UGT1A7: variants seen among roughly 807,000 people sequenced by gnomAD.
The protein encoded by UGT1A7 is UDP-glucuronosyltransferase 1A7.
A neutral mutation model predicts 45.6 loss-of-function variants in UGT1A7; 33 were observed. The ratio of observed to expected loss-of-function variants is 0.72; its 90% CI spans 0.55 to 0.97. UGT1A7 has a LOEUF of 0.97. UGT1A7 is among the 50% of genes least tolerant of loss of function. UGT1A7 has a pLI of 0.00. For missense variants in UGT1A7, 684 were observed against 666.2 expected, an observed-to-expected ratio of 1.03 and a Z score of -0.29; for synonymous variants, 274 against 250.6, an observed-to-expected ratio of 1.09 and a Z score of -0.88.
At chr2:233,764,961 TG>T (rs1172324167) in intron 1 of UGT1A7, among the ~76,000 whole-genome samples, 1 of 152,020 alleles carries the variant, frequency 6.6e-6, no homozygotes, top group Non-Finnish European at 1.5e-5. Context: ...GGGCTCACCT[TG>T]GGAGAAGGAT....
Position 233,719,322 on chromosome 2 carries a change from C to T in UGT1A7, c.855+36530C>T, listed in dbSNP as rs773289420. On this transcript the variant is annotated intron_variant, in intron 1 of 4. Transcript: ENST00000373426. ...GGTGCTGGCTAAGTACCTGTCGATT[C>T]CTGCTGTGTTTTTTTGGAGGTACAT... The T allele has an allele frequency of 3.1e-6, 5 of 1,613,788 alleles. No individual in the cohort carries two copies. In the African/African-American group the frequency reaches 6.7e-5, roughly 22 times the overall value.
intron 1 of UGT1A7, among the ~76,000 whole-genome samples, chr2:233,758,252 T>G (rs1696828671): frequency 6.6e-6 from 1 of 152,196 alleles, no homozygotes; most frequent in African/African-American, 2.4e-5. Context: ...ACTATTCAGA[T>G]TAGTAAGTAT....
chr2:233,703,922 A>G (rs2125594260), intron 1 of UGT1A7, among the ~76,000 whole-genome samples: 1 of 151,456 alleles, frequency 6.6e-6, no homozygotes, highest in East Asian at 1.9e-4. Flanking sequence ...ACAAAATCTC[A>G]TTCTGTTACC....
rs375082638 is a variant in UGT1A7 at position 233,764,736 on chromosome 2, G to A, written c.856-2298G>A. Among the ~76,000 whole-genome samples the A allele has an allele frequency of 2.0e-5, 3 of 152,156 alleles. 1 individual carries two copies. The East Asian group carries it at 5.8e-4, about 29-fold the overall frequency. On this transcript the variant is annotated intron_variant, in intron 1 of 4. Coordinates refer to ENST00000373426, the MANE Select transcript of UGT1A7 (RefSeq NM_019077.3). ...CCCAAGAAAGAGGGAGAGAAAGAGGGGAGAGATGTGGTGCAGACCCTAGGG... is the reference window on the plus strand; with the variant it reads ...CCCAAGAAAGAGGGAGAGAAAGAGGAGAGAGATGTGGTGCAGACCCTAGGG...
At chr2:233,712,842 C>T (rs11689628) in intron 1 of UGT1A7, 42,041 of 1,510,292 alleles carry the variant, frequency 0.028, 621 homozygotes, top group African/African-American at 0.045. Flanking sequence ...TATAGATTAA[C>T]GGGTAATAAG....
intron 1 of UGT1A7, among the ~76,000 whole-genome samples, chr2:233,724,884 G>A (rs1223856006): frequency 8.2e-5 from 11 of 134,350 alleles, no homozygotes; most frequent in Admixed American, 1.5e-4. Context: ...CGGAGATCAC[G>A]CCACTGCACT....
chr2:233,717,072 T>A (rs3806595), intron 1 of UGT1A7, among the ~76,000 whole-genome samples: 15,420 of 152,108 alleles, frequency 0.1, 899 homozygotes, highest in East Asian at 0.2. Flanking sequence ...GCCAGACACG[T>A]AACCAGAAAT....
intron 1 of UGT1A7, among the ~76,000 whole-genome samples, chr2:233,701,060 T>C (rs1466041569): frequency 3.3e-5 from 5 of 152,358 alleles, no homozygotes; most frequent in African/African-American, 9.6e-5. Flanking sequence ...CATAATTTTT[T>C]ATGGCTGCAT....
In UGT1A7 at chr2:233,698,539, C is replaced by T. The variant is rs1245091014; in HGVS notation, c.855+15747C>T. On this transcript the variant is annotated intron_variant, in intron 1 of 4. Coordinates refer to ENST00000373426, the MANE Select transcript of UGT1A7 (RefSeq NM_019077.3). ...GGCAATACATAAAGTAAACAGAACA[C>T]GAGTGGCCAACAAAACTTTAAGAAC... Among the ~76,000 whole-genome samples the T allele has an allele frequency of 5.3e-5, 8 of 152,144 alleles. No homozygotes were observed. The East Asian group carries it at 9.6e-4, about 18-fold the overall frequency.
chr2:233,686,584 C>T lies in UGT1A7; in HGVS notation c.855+3792C>T, dbSNP rs371449627. ...TGGTTTCAGAAGTTAGTGTGGATTACTGCTGCTTTCTTTGACTGTCTCTCT... is the reference window on the plus strand; with the variant it reads ...TGGTTTCAGAAGTTAGTGTGGATTATTGCTGCTTTCTTTGACTGTCTCTCT... On this transcript the variant is annotated intron_variant, in intron 1 of 4. Coordinates refer to ENST00000373426, the MANE Select transcript of UGT1A7 (RefSeq NM_019077.3). Among the ~76,000 whole-genome samples, 18 of 152,174 alleles carry T rather than the reference C, an allele frequency of 1.2e-4. No homozygotes were observed. In the East Asian group the frequency reaches 3.3e-3, roughly 28 times the overall value.
At chr2:233,694,585 C>A (rs1177504062) in intron 1 of UGT1A7, among the ~76,000 whole-genome samples, 10 of 152,158 alleles carry the variant, frequency 6.6e-5, no homozygotes, top group Non-Finnish European at 1.5e-4. Context: ...TAAATATTTA[C>A]AACTTTGAAG....
rs1254304358 is a variant in UGT1A7 at position 233,743,239 on chromosome 2, C to G, written c.856-23795C>G. The stretch of plus-strand genomic sequence containing the variant: ...GCTCTTTGCTATTTATTATGAAGGA[C>G]TTTAACTCAACTCTCCATCTTCCTC... On this transcript the variant is annotated intron_variant, in intron 1 of 4. Coordinates refer to ENST00000373426, the MANE Select transcript of UGT1A7 (RefSeq NM_019077.3). The G allele has an allele frequency of 1.4e-5, 6 of 424,156 alleles. No individual in the cohort carries two copies. The East Asian group carries it at 4.3e-4, about 30-fold the overall frequency. 26.3% of individuals were successfully genotyped at this position (424,156 alleles called of 1,614,324 possible).
At chr2:233,695,566 C>T (rs956189673) in intron 1 of UGT1A7, among the ~76,000 whole-genome samples, 1 of 150,778 alleles carries the variant, frequency 6.6e-6, no homozygotes, top group South Asian at 2.1e-4. Context: ...CCATTTTCAC[C>T]CCCCCTTCCC....
At chr2:233,694,669 C>T (rs2075233719) in intron 1 of UGT1A7, among the ~76,000 whole-genome samples, 1 of 152,152 alleles carries the variant, frequency 6.6e-6, no homozygotes, top group Admixed American at 6.5e-5. Context: ...GAGAGAAAGC[C>T]TCAAACAGGT....
intron 1 of UGT1A7, among the ~76,000 whole-genome samples, chr2:233,751,737 T>C (rs1413280184): frequency 2.0e-5 from 3 of 152,206 alleles, no homozygotes; most frequent in Admixed American, 2.0e-4. Flanking sequence ...TCCTCTCTGT[T>C]TCTCTCTTGC....
At chr2:233,697,192 T>C (rs1038681762) in intron 1 of UGT1A7, among the ~76,000 whole-genome samples, 1 of 152,136 alleles carries the variant, frequency 6.6e-6, no homozygotes, top group Non-Finnish European at 1.5e-5. Context: ...AATTCAGCAG[T>C]GAATCCATCT....
intron 1 of UGT1A7, chr2:233,721,927 A>G: frequency 2.6e-6 from 1 of 391,754 alleles, no homozygotes. Context: ...ATAAAGTGAC[A>G]TCCTTCAGAC....
intron 1 of UGT1A7, chr2:233,718,998 G>T (rs759529745): frequency 1.9e-6 from 3 of 1,614,266 alleles, no homozygotes; most frequent in South Asian, 1.1e-5. Context: ...CCAGGCGGTG[G>T]TCCTCACCCC....
intron 1 of UGT1A7, chr2:233,760,131 T>A: frequency 7.3e-7 from 1 of 1,362,720 alleles, no homozygotes; most frequent in African/African-American, 1.5e-5. Context: ...TCCACCTTCT[T>A]TATCTCTGAA....
Sources: allele counts gnomAD v4.1 joint callset (sites outside exome capture counted in the v4.1 genomes callset), GRCh38; gene constraint gnomAD v4.1.1; transcripts MANE v1.5; gene names NCBI Gene and HGNC (gene_info 2026-07-23, HGNC 2026-07-21).